The following RBFOX3 variants were observed in gnomAD, a reference collection of about 807,000 sequenced individuals.
RBFOX3 encodes RNA binding fox-1 homolog 3, also known as RNA binding protein fox-1 homolog 3.
A neutral mutation model predicts 48.7 loss-of-function variants in RBFOX3; 17 were observed. The observed-to-expected ratio is 0.35, with a 90% CI of 0.24 to 0.52. The LOEUF (loss-of-function observed/expected upper bound fraction) is 0.52. RBFOX3 is among the 20% of genes least tolerant of loss of function. The pLI is 0.94. For missense variants in RBFOX3, 382 were observed against 497.5 expected (o/e 0.77, Z 2.21); for synonymous variants, 212 against 209.5 (o/e 1.01, Z -0.10).
In RBFOX3 at chr17:79,321,890, C is replaced by T. The variant is rs1416907955; in HGVS notation, c.-174-14066G>A. 2.6e-5 allele frequency among the ~76,000 whole-genome samples: 4 copies of T among 152,074 alleles called. No individual in the cohort carries two copies. The East Asian group carries it at 5.8e-4, about 22-fold the overall frequency. On this transcript the variant is annotated intron_variant, in intron 2 of 14. Transcript: ENST00000693108. ...CCGGCTAATTTTTGTATTTTTAGTACAGATGGGGTTTCACCATGTTGGCCA... is the reference window on the plus strand; with the variant it reads ...CCGGCTAATTTTTGTATTTTTAGTATAGATGGGGTTTCACCATGTTGGCCA...
At chr17:79,305,024 G>A (rs760072816) in intron 3 of RBFOX3, among the ~76,000 whole-genome samples, 7 of 152,232 alleles carry the variant, frequency 4.6e-5, no homozygotes, top group Admixed American at 1.3e-4. Flanking sequence ...TTAGAGGGCC[G>A]GGTGGACTCC....
At chr17:79,276,166 A>C (rs1344773899) in intron 3 of RBFOX3, among the ~76,000 whole-genome samples, 7 of 152,212 alleles carry the variant, frequency 4.6e-5, no homozygotes. Flanking sequence ...CGTCTGGAGC[A>C]GAGCCATCCA....
intron 2 of RBFOX3, among the ~76,000 whole-genome samples, chr17:79,329,559 C>T (rs371076693): frequency 1.2e-4 from 19 of 152,156 alleles, no homozygotes; most frequent in Non-Finnish European, 2.5e-4. Context: ...TATTCCACAC[C>T]GTGCCCTCTC....
At position 79,249,963 on chromosome 17, in the gene RBFOX3, T is replaced by C. The variant is rs994062777; in HGVS notation, c.-73-14158A>G. Among the ~76,000 whole-genome samples the C allele has an allele frequency of 3.9e-5, 6 of 152,206 alleles. No individual in the cohort carries two copies. The highest frequency in any genetic ancestry group is 8.8e-5 in the Non-Finnish European group (6 of 68,036). ...ACCTGCCGGCATCCCTGGCATCGCT[T>C]TGGCTCTTGCGAGAGGGAGCCAGTT... On this transcript the variant is annotated intron_variant, in intron 3 of 14. Coordinates refer to ENST00000693108, the MANE Select transcript of RBFOX3 (RefSeq NM_001350451.2). This position sits in a 1 kb window ranked among gnomAD's most constrained non-coding sequence, Gnocchi z 4.1.
intron 1 of RBFOX3, among the ~76,000 whole-genome samples, chr17:79,573,273 G>A (rs1243994832): frequency 1.3e-5 from 2 of 152,188 alleles, no homozygotes; most frequent in Admixed American, 6.5e-5. Flanking sequence ...AAAGACCAAG[G>A]CCACGGGGAA....
intron 2 of RBFOX3, among the ~76,000 whole-genome samples, chr17:79,340,380 T>C (rs532401880): frequency 1.9e-4 from 29 of 152,174 alleles, no homozygotes; most frequent in African/African-American, 6.7e-4. Context: ...AGCAGCTGCC[T>C]TCCGCAAGCC....
rs570799338 is a variant in RBFOX3 at position 79,361,067 on chromosome 17, G to A, written c.-174-53243C>T. Among the ~76,000 whole-genome samples the A allele has an allele frequency of 3.9e-4, 59 of 152,180 alleles. 1 individual carries two copies. In the South Asian group the frequency reaches 0.011, roughly 28 times the overall value. ...AAGTTCACGTCTCAGGCAAAGGAAG[G>A]GAAAGGAATAAATGGCCGAACCCCT... On this transcript the variant is annotated intron_variant, in intron 2 of 14. Coordinates refer to ENST00000693108, the MANE Select transcript of RBFOX3 (RefSeq NM_001350451.2). This position sits in a 1 kb window ranked among gnomAD's most constrained non-coding sequence, Gnocchi z 4.5.
chr17:79,250,815 C>T (rs1280376991), intron 3 of RBFOX3, among the ~76,000 whole-genome samples: 1 of 119,748 alleles, frequency 8.4e-6, no homozygotes, highest in African/African-American at 3.1e-5. Context: ...CCCTCCCTTT[C>T]TCTCTCTCTC....
chr17:79,421,702 G>A lies in RBFOX3; in HGVS notation c.-175+60752C>T, dbSNP rs2066412976. 6.6e-6 allele frequency among the ~76,000 whole-genome samples: 1 copy of A among 152,166 alleles called. No individual in the cohort carries two copies. Among genetic ancestry groups the A allele is most frequent in the South Asian group, 2.1e-4 (1 of 4,832 alleles). ...CCAAACAAGATGACCATAGGACCAAGCAAGATGACGCAGGCCCCTGGCAAG... is the reference window on the plus strand; with the variant it reads ...CCAAACAAGATGACCATAGGACCAAACAAGATGACGCAGGCCCCTGGCAAG... On this transcript the variant is annotated intron_variant, in intron 2 of 14. Transcript: ENST00000693108. This position sits in a 1 kb window ranked among gnomAD's most constrained non-coding sequence, Gnocchi z 4.5.
chr17:79,233,652 G>T (rs1471431663), intron 4 of RBFOX3: 1 of 151,836 alleles, frequency 6.6e-6, no homozygotes, highest in Non-Finnish European at 1.5e-5. Flanking sequence ...CTGTTGCCCA[G>T]GCTGGAGTAA....
intron 1 of RBFOX3, among the ~76,000 whole-genome samples, chr17:79,488,242 C>T (rs1002634641): frequency 2.6e-5 from 4 of 152,178 alleles, no homozygotes; most frequent in African/African-American, 9.7e-5. Flanking sequence ...TCACCAGTCC[C>T]TTATAAATTA....
rs1306713780 is a variant in RBFOX3 at position 79,324,692 on chromosome 17, G to A, written c.-174-16868C>T. 2.0e-5 allele frequency among the ~76,000 whole-genome samples: 3 copies of A among 152,204 alleles called. No homozygotes were observed. The East Asian group carries it at 5.8e-4, about 29-fold the overall frequency. On this transcript the variant is annotated intron_variant, in intron 2 of 14. Coordinates refer to ENST00000693108, the MANE Select transcript of RBFOX3 (RefSeq NM_001350451.2). ...TGGGTGGAGGGAAGGGAGACCCTTG[G>A]AGTGGGGAGCCTGGATAGGGGAGAG... is the stretch of plus-strand genomic sequence containing the variant.
intron 4 of RBFOX3, among the ~76,000 whole-genome samples, chr17:79,178,536 G>A (rs536280554): frequency 3.0e-4 from 45 of 152,182 alleles, no homozygotes; most frequent in Non-Finnish European, 5.9e-4. Flanking sequence ...AGCTTCCCGA[G>A]GTAGTACGTG....
intron 2 of RBFOX3, among the ~76,000 whole-genome samples, chr17:79,360,954 A>T (rs1200581507): frequency 6.6e-6 from 1 of 151,708 alleles, no homozygotes; most frequent in African/African-American, 2.4e-5. Context: ...GTGTATTGTG[A>T]GTAATTGTTG....
intron 2 of RBFOX3, among the ~76,000 whole-genome samples, chr17:79,360,011 C>T (rs907504107): frequency 6.6e-6 from 1 of 151,898 alleles, no homozygotes. Flanking sequence ...CAGGCGTGAG[C>T]TCCCATGCCC....
rs1351807229 is a variant in RBFOX3, at chr17:79,254,170, T to C, written c.-73-18365A>G. ...CCAGGACACAGGAGCCTCACAGAAGTCATTTGCTGAGTTTTGCAGTTCATG... is the reference window on the plus strand; with the variant it reads ...CCAGGACACAGGAGCCTCACAGAAGCCATTTGCTGAGTTTTGCAGTTCATG... On this transcript the variant is annotated intron_variant, in intron 3 of 14. Transcript: ENST00000693108. The surrounding 1 kb of genome is among the most constrained non-coding windows in gnomAD (Gnocchi z 4.8). Among the ~76,000 whole-genome samples the C allele has an allele frequency of 1.3e-5, 2 of 152,240 alleles. No homozygotes were observed. The highest frequency in any genetic ancestry group is 4.8e-5 in the African/African-American group (2 of 41,546).
chr17:79,536,753 G>A (rs1223585544), intron 1 of RBFOX3, among the ~76,000 whole-genome samples: 1 of 152,218 alleles, frequency 6.6e-6, no homozygotes, highest in Non-Finnish European at 1.5e-5. Flanking sequence ...TGTGACTTGT[G>A]GCTGCCGTAA....
At chr17:79,585,692 G>T (rs1239795127) in intron 1 of RBFOX3, among the ~76,000 whole-genome samples, 1 of 152,196 alleles carries the variant, frequency 6.6e-6, no homozygotes, top group Non-Finnish European at 1.5e-5. Flanking sequence ...CCCAGGGAGA[G>T]TGAAGAAAGA....
At chr17:79,533,454 A>C (rs1555787959) in intron 1 of RBFOX3, among the ~76,000 whole-genome samples, 1 of 152,318 alleles carries the variant, frequency 6.6e-6, no homozygotes, top group Non-Finnish European at 1.5e-5. Context: ...CATGGTCTGC[A>C]CCTGTCAGGG....
Sources: allele counts gnomAD v4.1 joint callset (sites outside exome capture counted in the v4.1 genomes callset), GRCh38; gene constraint gnomAD v4.1.1; non-coding constraint Gnocchi (gnomAD v3.1); transcripts MANE v1.5; gene names NCBI Gene and HGNC (gene_info 2026-07-23, HGNC 2026-07-21).